Variants in PIGP observed in about 807,000 individuals in gnomAD.
The protein encoded by PIGP is phosphatidylinositol glycan anchor biosynthesis class P, also known as phosphatidylinositol N-acetylglucosaminyltransferase subunit P.
In PIGP, 12 loss-of-function variants were observed where a neutral mutation model predicts 16.9. The ratio of observed to expected loss-of-function variants is 0.71; its 90% confidence interval spans 0.46 to 1.15. PIGP has a LOEUF of 1.15. Ranked by LOEUF, PIGP falls within the 50% of genes most tolerant of loss-of-function variation. The pLI is 0.00. For missense variants in PIGP, 159 were observed against 153.5 expected (o/e 1.04, Z -0.19); for synonymous variants, 57 against 54.7 (o/e 1.04, Z -0.18).
At chr21:37,068,207 GT>G (rs35093316) in intron 3 of PIGP, among the ~76,000 whole-genome samples, 60,669 of 143,462 alleles carry the variant, frequency 0.42, 13,035 homozygotes, top group Middle Eastern at 0.55. Flanking sequence ...TTGGCCAGAT[GT>G]TTTTTTTTTT....
At chr21:37,065,793 A>C (rs1164837632) in intron 4 of PIGP, 81 bp from the exon 5 acceptor site, 2 of 1,228,806 alleles carry the variant, frequency 1.6e-6, no homozygotes, top group Non-Finnish European at 2.3e-6. Flanking sequence ...CCCACCACAT[A>C]GTTTACTAGG....
At chr21:37,070,326 A>G (rs991217772) in intron 2 of PIGP, among the ~76,000 whole-genome samples, 2 of 152,220 alleles carry the variant, frequency 1.3e-5, no homozygotes, top group African/African-American at 4.8e-5. Flanking sequence ...GTGATGATGC[A>G]TTCTTTTCTT....
intron 3 of PIGP, among the ~76,000 whole-genome samples, chr21:37,068,582 C>G (rs767462683): frequency 1.8e-4 from 28 of 151,586 alleles, no homozygotes; most frequent in Non-Finnish European, 3.1e-4. Context: ...CTTTTAATGT[C>G]TGGTAACTTA....
intron 2 of PIGP, among the ~76,000 whole-genome samples, chr21:37,070,364 T>C (rs1229903998): frequency 6.6e-6 from 1 of 152,222 alleles, no homozygotes; most frequent in East Asian, 1.9e-4. Flanking sequence ...GAATTCTGTA[T>C]GTCAGGTGTG....
intron 4 of PIGP, among the ~76,000 whole-genome samples, chr21:37,065,955 C>T (rs113313673): frequency 6.6e-6 from 1 of 152,052 alleles, no homozygotes; most frequent in Non-Finnish European, 1.5e-5. Flanking sequence ...AGGTGGCGGG[C>T]GCCTGTAGTC....
In PIGP at chr21:37,072,682, C is replaced by G. The variant is rs1042896063; in HGVS notation, c.-22-145G>C. On this transcript the variant is annotated intron_variant, in intron 1 of 4. Transcript: ENST00000360525. ...CCGTCCGCAACCCGCGCCCCCGCCT[C>G]GAGCGCATACAGACACCCAGGCTGG... 3.3e-5 allele frequency: 47 copies of G among 1,420,328 alleles called. No homozygotes were observed. In the African/African-American group the frequency reaches 5.8e-4, roughly 17 times the overall value. The allele number at this position is 1,420,328 out of a possible 1,614,324, so 88.0% of individuals were successfully genotyped here.
chr21:37,068,078 A>T (rs903543134), intron 3 of PIGP, among the ~76,000 whole-genome samples: 6 of 151,564 alleles, frequency 4.0e-5, no homozygotes, highest in African/African-American at 1.5e-4. Context: ...GCATGATCAC[A>T]GATCACTAGC....
chr21:37,072,335 G>T, intron 2 of PIGP, 99 bp downstream of exon 2: 1 of 1,596,056 alleles, frequency 6.3e-7, no homozygotes, highest in Non-Finnish European at 8.5e-7. Flanking sequence ...TAGGGAGAAA[G>T]AATCAACAGT....
intron 2 of PIGP, 31 bp downstream of exon 2, chr21:37,072,403 G>A: frequency 1.9e-6 from 3 of 1,613,154 alleles, no homozygotes; most frequent in Non-Finnish European, 1.7e-6. Context: ...GCCAGAAAAA[G>A]CCCCTGGCCA....
intron 2 of PIGP, 136 bp downstream of exon 2, chr21:37,072,298 C>A (rs2070114888): frequency 1.9e-6 from 3 of 1,603,428 alleles, no homozygotes; most frequent in Non-Finnish European, 1.7e-6. Flanking sequence ...AACACGAGAT[C>A]CCTTCAGATT....
At chr21:37,072,671 C>T in intron 1 of PIGP, 134 bp from the exon 2 acceptor site, 2 of 1,496,894 alleles carry the variant, frequency 1.3e-6, no homozygotes, top group East Asian at 2.3e-5. Flanking sequence ...CCGCAACCCG[C>T]GCCCCCGCCT....
intron 2 of PIGP, among the ~76,000 whole-genome samples, chr21:37,070,911 C>T (rs1017874699): frequency 2.6e-5 from 4 of 152,178 alleles, no homozygotes; most frequent in Non-Finnish European, 4.4e-5. Flanking sequence ...TACAGGCATG[C>T]GCCACCATCC....
chr21:37,072,244 A>T (rs1424961513), intron 2 of PIGP, 190 bp downstream of exon 2: 1 of 1,611,696 alleles, frequency 6.2e-7, no homozygotes, highest in East Asian at 2.2e-5. Context: ...ATTTGTAGAG[A>T]CTAAAACCTC....
In PIGP at chr21:37,067,249, TA is replaced by T. The variant is rs775021897; in HGVS notation, c.274+12del. The T allele has an allele frequency of 5.6e-6, 8 of 1,429,774 alleles. No individual in the cohort carries two copies. The highest frequency in any genetic ancestry group is 7.9e-6 in the Non-Finnish European group (8 of 1,012,654). 88.6% of individuals were successfully genotyped at this position (1,429,774 alleles called of 1,614,324 possible). The stretch of plus-strand genomic sequence containing the variant: ...TTTCATTGCCCCAGCACTTTCCTTT[TA>T]TATAAAGTTACCTGTGATTGTATGG... On this transcript the variant is annotated intron_variant, in intron 4 of 4. Coordinates refer to ENST00000360525, the MANE Select transcript of PIGP (RefSeq NM_153682.3).
intron 4 of PIGP, 151 bp downstream of exon 4, chr21:37,067,111 A>G (rs1340453803): frequency 1.7e-6 from 1 of 605,710 alleles, no homozygotes. Flanking sequence ...GGTTCAAGTG[A>G]TTCTCCTGCC....
chr21:37,072,492 T>C lies in PIGP; in HGVS notation c.24A>G (p.Pro8=), dbSNP rs371245338. The C allele has an allele frequency of 9.9e-6, 16 of 1,614,138 alleles. No individual in the cohort carries two copies. The East Asian group carries it at 1.3e-4, about 13-fold the overall frequency. Residue 8 remains proline, a synonymous_variant, in exon 2 of 5, where the codon CCA becomes CCG. Transcript: ENST00000360525. ...AGCCATAAATCGCTCTTTCTGGCAA[T>C]GGCGACGGTGAATTTTCCACCATTT... MVENSPS[P]LPERAIYGFV...
rs2070087541 is a variant in PIGP at position 37,072,026 on chromosome 21, C to G, written c.82+408G>C. The G allele has an allele frequency of 2.5e-5, 19 of 750,634 alleles. 2 individuals are homozygous for G. In the South Asian group the frequency reaches 2.7e-4, roughly 11 times the overall value. 46.5% of individuals were successfully genotyped at this position (750,634 alleles called of 1,614,324 possible). On this transcript the variant is annotated intron_variant, in intron 2 of 4. Coordinates refer to ENST00000360525, the MANE Select transcript of PIGP (RefSeq NM_153682.3). ...TCCCTCCCTCTTACTCTTTCCTAAT[C>G]AGCATCAGTGCCAGGGGGAAAGGCC...
intron 2 of PIGP, 188 bp downstream of exon 2, chr21:37,072,246 T>A (rs1167751734): frequency 6.8e-6 from 11 of 1,611,508 alleles, no homozygotes; most frequent in Non-Finnish European, 8.5e-6. Context: ...TTGTAGAGAC[T>A]AAAACCTCCT....
At chr21:37,072,031 T>A (rs1182404376) in intron 2 of PIGP, 5 of 759,150 alleles carry the variant, frequency 6.6e-6, no homozygotes, top group Admixed American at 3.6e-5. Context: ...CTAATCAGCA[T>A]CAGTGCCAGG....
Sources: gnomAD v4.1 joint callset for allele counts (sites outside exome capture counted in the v4.1 genomes callset) on GRCh38, gnomAD v4.1.1 for gene constraint, MANE v1.5 for transcripts, NCBI Gene and HGNC (gene_info 2026-07-23, HGNC 2026-07-21) for gene names.